PCDHA6: variants seen among roughly 807,000 people sequenced by gnomAD.
PCDHA6 encodes protocadherin alpha-6.
Under a neutral mutation model 60.3 loss-of-function variants are expected in PCDHA6, and 55 were observed. The observed-to-expected ratio is 0.91, with a 90% CI of 0.73 to 1.14. PCDHA6 has a LOEUF of 1.14. PCDHA6 is among the 50% of genes most tolerant of loss of function. The pLI is 0.00. For synonymous variants in PCDHA6, 652 were observed against 557.9 expected (o/e 1.17, Z -2.38); for missense variants, 1,327 against 1,256.5 (o/e 1.06, Z -0.85).
chr5:140,853,719 C>T lies in PCDHA6; in HGVS notation c.2394+23234C>T, dbSNP rs2042844142. 3 of 988,390 alleles carry T rather than the reference C, an allele frequency of 3.0e-6. 1 individual carries two copies. Among genetic ancestry groups the T allele is most frequent in the Non-Finnish European group, 3.7e-6 (3 of 820,332 alleles). The allele number at this position is 988,390 out of a possible 1,614,324, so 61.2% of individuals were successfully genotyped here. Reference sequence around the variant, plus strand: ...GCTAACGCATTAGCATTAGCAGCACCTAAGTCCTCATTGAATGTTCTGGTT... The same window carrying T: ...GCTAACGCATTAGCATTAGCAGCACTTAAGTCCTCATTGAATGTTCTGGTT... On this transcript the variant is annotated intron_variant, in intron 1 of 3. Coordinates refer to ENST00000529310, the MANE Select transcript of PCDHA6 (RefSeq NM_018909.4).
chr5:140,830,082 C>G lies in PCDHA6; in HGVS notation c.1991C>G (p.Thr664Arg). ...GAGCCGGCGCTGACAGCGACGGCCACGGTTCTGGTGTCGCTGGTGGAGAGT... is the reference window on the plus strand; with the variant it reads ...GAGCCGGCGCTGACAGCGACGGCCAGGGTTCTGGTGTCGCTGGTGGAGAGT... ...HGEPALTATA[T>R]VLVSLVESGQ... Residue 664 changes from threonine to arginine, a missense_variant, in exon 1 of 4, where the codon ACG becomes AGG. Physicochemically the swap from Thr to Arg is moderately conservative, Grantham distance 71. Coordinates refer to ENST00000529310, the MANE Select transcript of PCDHA6 (RefSeq NM_018909.4). 6.2e-7 allele frequency: 1 copy of G among 1,613,566 alleles called. No homozygotes were observed. The highest frequency in any genetic ancestry group is 8.5e-7 in the Non-Finnish European group (1 of 1,179,846).
At chr5:140,836,620 G>C (rs2150265891) in intron 1 of PCDHA6, 4 of 1,613,468 alleles carry the variant, frequency 2.5e-6, no homozygotes, top group Non-Finnish European at 3.4e-6. Context: ...AGCGCGGTGG[G>C]GAGCTGGTCA....
intron 3 of PCDHA6, among the ~76,000 whole-genome samples, chr5:141,002,222 G>A (rs1278350490): frequency 2.0e-5 from 3 of 152,212 alleles, no homozygotes; most frequent in Non-Finnish European, 4.4e-5. Context: ...AAAATGATGG[G>A]TTTTCTGGAA....
intron 3 of PCDHA6, among the ~76,000 whole-genome samples, chr5:140,985,279 A>G (rs1168353248): frequency 1.3e-5 from 2 of 152,150 alleles, no homozygotes; most frequent in Non-Finnish European, 2.9e-5. Context: ...CTTTTCTGCA[A>G]TCTATGATAT....
At chr5:140,992,078 G>A (rs1179366244) in intron 3 of PCDHA6, among the ~76,000 whole-genome samples, 1 of 151,596 alleles carries the variant, frequency 6.6e-6, no homozygotes, top group African/African-American at 2.4e-5. Context: ...TAGAGAATGA[G>A]CTAGAGTAGA....
At chr5:140,869,775 C>A (rs2051402857) in intron 1 of PCDHA6, 5 of 1,612,980 alleles carry the variant, frequency 3.1e-6, no homozygotes, top group Non-Finnish European at 4.2e-6. Flanking sequence ...AGCTTACTGG[C>A]ACCGTTCGGC....
intron 1 of PCDHA6, among the ~76,000 whole-genome samples, chr5:140,906,524 G>A (rs1401305370): frequency 2.0e-5 from 3 of 152,156 alleles, no homozygotes; most frequent in Non-Finnish European, 2.9e-5. Context: ...AAATACTCAC[G>A]ACAATTAAAA....
At chr5:140,944,378 A>G (rs1204116678) in intron 1 of PCDHA6, among the ~76,000 whole-genome samples, 1 of 151,884 alleles carries the variant, frequency 6.6e-6, no homozygotes, top group Admixed American at 6.6e-5. Flanking sequence ...ATAGAGATGG[A>G]GTCTCACTGT....
intron 1 of PCDHA6, among the ~76,000 whole-genome samples, chr5:140,831,935 G>C (rs1470803864): frequency 6.6e-6 from 1 of 152,098 alleles, no homozygotes; most frequent in Admixed American, 6.6e-5. Flanking sequence ...CTAGTTTTCC[G>C]AAGAGGAAAA....
In PCDHA6 at chr5:141,009,951, A is replaced by G. The variant is rs2303646; in HGVS notation, c.*14A>G. On this transcript the variant is annotated 3_prime_UTR_variant, in exon 4 of 4. Coordinates refer to ENST00000529310, the MANE Select transcript of PCDHA6 (RefSeq NM_018909.4). ...AGTGACCAGTGAGGTCCTCAAATGGAAACAAGCCACTTAGCCAGTTTTTGT... is the reference window on the plus strand; with the variant it reads ...AGTGACCAGTGAGGTCCTCAAATGGGAACAAGCCACTTAGCCAGTTTTTGT... 5,767 of 1,593,458 alleles carry G rather than the reference A, an allele frequency of 3.6e-3. 231 individuals are homozygous for G. In the East Asian group the frequency reaches 0.095, roughly 26 times the overall value.
intron 1 of PCDHA6, among the ~76,000 whole-genome samples, chr5:140,915,626 G>C (rs928151112): frequency 6.1e-5 from 9 of 146,436 alleles, no homozygotes; most frequent in East Asian, 4.1e-4. Flanking sequence ...GTCTCTTTCT[G>C]TCTCTCTCTC....
chr5:140,832,332 T>C (rs2150201022), intron 1 of PCDHA6, among the ~76,000 whole-genome samples: 5 of 152,348 alleles, frequency 3.3e-5, no homozygotes, highest in South Asian at 2.1e-4. Context: ...ATTAGAGGAC[T>C]GAGTTGTGGT....
At chr5:140,919,932 C>A (rs2079357842) in intron 1 of PCDHA6, among the ~76,000 whole-genome samples, 1 of 151,968 alleles carries the variant, frequency 6.6e-6, no homozygotes, top group Non-Finnish European at 1.5e-5. Flanking sequence ...CAGGTGGGGG[C>A]TAATTCCAGT....
intron 1 of PCDHA6, among the ~76,000 whole-genome samples, chr5:140,975,707 A>C (rs1445809800): frequency 6.6e-6 from 1 of 152,204 alleles, no homozygotes; most frequent in African/African-American, 2.4e-5. Context: ...ATTTTACTTT[A>C]AATCTTAGAA....
Position 140,828,807 on chromosome 5 carries a change from C to T in PCDHA6, c.716C>T (p.Ala239Val). Residue 239 changes from alanine to valine, a missense_variant, in exon 1 of 4, where the codon GCT (alanine) becomes GTT (valine). Transcript: ENST00000529310. The stretch of plus-strand genomic sequence containing the variant: ...ACAGTGCTGGATGTGAATGATAATG[C>T]TCCCACTTTCGAACAGTCTGAATAC... Reference protein sequence around the residue: ...LVTVLDVNDNAPTFEQSEYEV... With the variant: ...LVTVLDVNDNVPTFEQSEYEV... 2 of 1,614,222 alleles carry T rather than the reference C, an allele frequency of 1.2e-6. No individual in the cohort carries two copies. Among genetic ancestry groups the T allele is most frequent in the African/African-American group, 1.3e-5 (1 of 75,050 alleles).
At chr5:140,969,473 A>C (rs562575347) in intron 1 of PCDHA6, 2 of 1,478,208 alleles carry the variant, frequency 1.4e-6, no homozygotes, top group South Asian at 2.8e-5. Context: ...CCACAATTTG[A>C]TCATAATCTG....
Position 140,850,119 on chromosome 5 carries a change from G to T in PCDHA6, c.2394+19634G>T, listed in dbSNP as rs2150468632. On this transcript the variant is annotated intron_variant, in intron 1 of 3. Coordinates refer to ENST00000529310, the MANE Select transcript of PCDHA6 (RefSeq NM_018909.4). ...CCAGGTGAGCGCGCGCGACGCGGGC[G>T]TGCCGCCTCTGGGCAGCAACGTGAC... is the stretch of plus-strand genomic sequence containing the variant. The T allele has an allele frequency of 1.1e-5, 17 of 1,596,076 alleles. No homozygotes were observed. The Admixed American group carries it at 1.9e-4, about 17-fold the overall frequency.
Position 140,856,334 on chromosome 5 carries a change from G to C in PCDHA6, c.2394+25849G>C, listed in dbSNP as rs1262477114. 11 of 1,598,498 alleles carry C rather than the reference G, an allele frequency of 6.9e-6. 1 individual carries two copies. The Admixed American group carries it at 1.3e-4, about 20-fold the overall frequency. On this transcript the variant is annotated intron_variant, in intron 1 of 3. Coordinates refer to ENST00000529310, the MANE Select transcript of PCDHA6 (RefSeq NM_018909.4). ...TCGGATTGACCGCGAGGAGCTGTGC[G>C]GGCGGAGCGTGGAGTGCAGCATCCA...
At chr5:140,881,507 C>A in intron 1 of PCDHA6, 1 of 231,112 alleles carries the variant, frequency 4.3e-6, no homozygotes, top group Non-Finnish European at 7.1e-6. Context: ...CACACACTCA[C>A]ATACAAAATC....
Sources: gnomAD v4.1 joint callset for allele counts (sites outside exome capture counted in the v4.1 genomes callset) on GRCh38, gnomAD v4.1.1 for gene constraint, MANE v1.5 for transcripts, NCBI Gene and HGNC (gene_info 2026-07-23, HGNC 2026-07-21) for gene names.